Variants in BICC1 observed in about 807,000 individuals in gnomAD.
BICC1 encodes BicC family RNA binding protein 1.
Under a neutral mutation model 111.0 loss-of-function variants are expected in BICC1, and 43 were observed. That is an observed-to-expected ratio of 0.39 (90% CI 0.30 to 0.50). The LOEUF is 0.50. Among genes scored for constraint, BICC1 ranks in the 20% least tolerant of loss-of-function variants. BICC1 has a pLI of 0.88. For missense variants in BICC1, 1,091 were observed against 1,203.2 expected, an observed-to-expected ratio of 0.91 and a Z score of 1.38; for synonymous variants, 467 against 434.4, an observed-to-expected ratio of 1.07 and a Z score of -0.93.
intron 2 of BICC1, among the ~76,000 whole-genome samples, chr10:58,687,852 C>G (rs931682721): frequency 8.5e-5 from 13 of 152,100 alleles, no homozygotes; most frequent in African/African-American, 3.1e-4. Context: ...GGTCCGTGGG[C>G]TGCACCCACT....
At chr10:58,557,085 A>G (rs1843469615) in intron 1 of BICC1, among the ~76,000 whole-genome samples, 1 of 152,076 alleles carries the variant, frequency 6.6e-6, no homozygotes, top group Non-Finnish European at 1.5e-5. Context: ...TTCCTTTAAC[A>G]TTTCTTATCC....
intron 3 of BICC1, among the ~76,000 whole-genome samples, chr10:58,761,856 T>A (rs1159203514): frequency 1.3e-5 from 2 of 152,226 alleles, no homozygotes; most frequent in African/African-American, 4.8e-5. Flanking sequence ...GAAGTTCCTA[T>A]CCATCATGAA....
At chr10:58,732,612 C>G (rs1768996726) in intron 3 of BICC1, among the ~76,000 whole-genome samples, 1 of 150,976 alleles carries the variant, frequency 6.6e-6, no homozygotes, top group Admixed American at 6.6e-5. Context: ...GAAACCCTGT[C>G]TCTACAAAAA....
chr10:58,674,998 G>A (rs1839295692), intron 2 of BICC1, among the ~76,000 whole-genome samples: 1 of 152,198 alleles, frequency 6.6e-6, no homozygotes, highest in African/African-American at 2.4e-5. Flanking sequence ...AGAAAAGGCT[G>A]GATGTGCCAC....
intron 3 of BICC1, among the ~76,000 whole-genome samples, chr10:58,742,284 C>G (rs1475174656): frequency 1.3e-5 from 2 of 151,984 alleles, no homozygotes; most frequent in East Asian, 3.9e-4. Flanking sequence ...TACTCATTTT[C>G]TTTTCAGAGA....
intron 2 of BICC1, among the ~76,000 whole-genome samples, chr10:58,684,087 G>A (rs902681025): frequency 5.3e-5 from 8 of 152,146 alleles, no homozygotes; most frequent in Admixed American, 2.6e-4. Flanking sequence ...AGCATGAAGC[G>A]CTGTTGAATT....
chr10:58,790,549 C>T (rs751637232), intron 8 of BICC1, among the ~76,000 whole-genome samples: 1 of 152,194 alleles, frequency 6.6e-6, no homozygotes, highest in Non-Finnish European at 1.5e-5. Context: ...ACCCCTCGGC[C>T]AGGTGCGGTA....
intron 19 of BICC1, 37 bp from the exon 20 acceptor site, chr10:58,820,332 T>G (rs1844217793): frequency 7.3e-7 from 1 of 1,361,788 alleles, no homozygotes. Context: ...AATAAGTAAT[T>G]AATACATTGG....
chr10:58,788,329 G>C, intron 5 of BICC1, 41 bp from the exon 6 acceptor site: 1 of 1,464,976 alleles, frequency 6.8e-7, no homozygotes. Flanking sequence ...ATGTGAGTTT[G>C]ATTAAAATAA....
chr10:58,584,799 C>G (rs1184597656), intron 1 of BICC1, among the ~76,000 whole-genome samples: 3 of 146,232 alleles, frequency 2.1e-5, no homozygotes, highest in Non-Finnish European at 1.5e-5. Context: ...TTTTTTTTTT[C>G]TTAGCACAAT....
intron 1 of BICC1, among the ~76,000 whole-genome samples, chr10:58,594,172 G>T (rs1294422019): frequency 6.6e-6 from 1 of 151,842 alleles, no homozygotes; most frequent in Admixed American, 6.6e-5. Flanking sequence ...GACAAGATTA[G>T]AGAAAAAAGG....
chr10:58,571,605 C>G (rs961553126), intron 1 of BICC1, among the ~76,000 whole-genome samples: 9 of 150,722 alleles, frequency 6.0e-5, no homozygotes, highest in African/African-American at 2.0e-4. Flanking sequence ...TTTTCTGTTC[C>G]TGTGTTAGTT....
At position 58,638,558 on chromosome 10, in the gene BICC1, T is replaced by C. The variant is rs570742697; in HGVS notation, c.237+17657T>C. Among the ~76,000 whole-genome samples the C allele has an allele frequency of 5.8e-4, 88 of 152,308 alleles. 1 individual carries two copies. Among genetic ancestry groups the C allele is most frequent in the African/African-American group, 2.1e-3 (86 of 41,584 alleles). On this transcript the variant is annotated intron_variant, in intron 2 of 20. Transcript: ENST00000373886. ...TGAAATGTAGACACTGGTCTACACATGGGTCACCCAGAGTTCACAGACTTG... is the reference window on the plus strand; with the variant it reads ...TGAAATGTAGACACTGGTCTACACACGGGTCACCCAGAGTTCACAGACTTG...
chr10:58,561,619 A>G lies in BICC1; in HGVS notation c.190+48286A>G, dbSNP rs531528304. Among the ~76,000 whole-genome samples, 32 of 151,918 alleles carry G rather than the reference A, an allele frequency of 2.1e-4. 1 individual carries two copies. The highest frequency in any genetic ancestry group is 2.4e-5 in the African/African-American group (1 of 41,508). The stretch of plus-strand genomic sequence containing the variant: ...TTGTTGTTTTCTGGTTGTTTTGTGT[A>G]TCATTTGTTCTTTTCTTCCTCTCTT... On this transcript the variant is annotated intron_variant, in intron 1 of 20. Transcript: ENST00000373886.
intron 19 of BICC1, 49 bp from the exon 20 acceptor site, chr10:58,820,320 A>G: frequency 1.6e-6 from 2 of 1,287,328 alleles, no homozygotes; most frequent in Non-Finnish European, 2.2e-6. Context: ...AGTGGGAAAG[A>G]AAATAAGTAA....
intron 2 of BICC1, among the ~76,000 whole-genome samples, chr10:58,677,997 G>A (rs1589008286): frequency 1.3e-5 from 2 of 152,262 alleles, no homozygotes; most frequent in East Asian, 1.9e-4. Context: ...ACTGCTGAGG[G>A]ATATTGTCAC....
At chr10:58,786,098 G>A (rs1280298341) in intron 4 of BICC1, among the ~76,000 whole-genome samples, 1 of 152,038 alleles carries the variant, frequency 6.6e-6, no homozygotes, top group Non-Finnish European at 1.5e-5. Context: ...AATTCACAAG[G>A]TATAAAAATA....
At chr10:58,530,161 G>A (rs1009404368) in intron 1 of BICC1, among the ~76,000 whole-genome samples, 2 of 151,784 alleles carry the variant, frequency 1.3e-5, no homozygotes, top group Non-Finnish European at 2.9e-5. Flanking sequence ...AGGAGATCAC[G>A]TAGAGTAAGG....
intron 2 of BICC1, among the ~76,000 whole-genome samples, chr10:58,682,879 T>C (rs1394562761): frequency 6.6e-6 from 1 of 151,996 alleles, no homozygotes; most frequent in African/African-American, 2.4e-5. Context: ...CAGAAGATAT[T>C]TAGTTTAATT....
Sources: allele counts gnomAD v4.1 joint callset (sites outside exome capture counted in the v4.1 genomes callset), GRCh38; gene constraint gnomAD v4.1.1; transcripts MANE v1.5; gene names NCBI Gene and HGNC (gene_info 2026-07-23, HGNC 2026-07-21).